The following ITK variants were observed in gnomAD, a reference collection of about 807,000 sequenced individuals.
ITK encodes the protein IL2 inducible T cell kinase.
Under a neutral mutation model 87.6 loss-of-function variants are expected in ITK, and 45 were observed. That is an observed-to-expected ratio of 0.51 (90% CI 0.40 to 0.66). ITK has a LOEUF of 0.66. Ranked by LOEUF, ITK falls within the 30% of genes least tolerant of loss-of-function variation. The pLI is 0.00. For synonymous variants in ITK, 303 were observed against 273.6 expected, an observed-to-expected ratio of 1.11 and a Z score of -1.06; for missense variants, 605 against 766.3, an observed-to-expected ratio of 0.79 and a Z score of 2.48.
At chr5:157,224,538 G>C (rs564600760) in intron 6 of ITK, among the ~76,000 whole-genome samples, 1 of 152,256 alleles carries the variant, frequency 6.6e-6, no homozygotes, top group South Asian at 2.1e-4. Flanking sequence ...CACTTTGATT[G>C]GGAGGCCAAG....
At chr5:157,186,714 T>C (rs1166070827) in intron 1 of ITK, among the ~76,000 whole-genome samples, 1 of 143,004 alleles carries the variant, frequency 7.0e-6, no homozygotes, top group Admixed American at 6.9e-5. Flanking sequence ...GAGAGAGCCT[T>C]GGCAAGCTTT....
chr5:157,196,182 A>G (rs1753852730), intron 1 of ITK, among the ~76,000 whole-genome samples: 1 of 152,172 alleles, frequency 6.6e-6, no homozygotes, highest in Non-Finnish European at 1.5e-5. Context: ...TGTAGAAAAC[A>G]TTTCTAGAAG....
At chr5:157,188,425 C>T (rs933171466) in intron 1 of ITK, among the ~76,000 whole-genome samples, 15 of 152,148 alleles carry the variant, frequency 9.9e-5, no homozygotes, top group Admixed American at 9.2e-4. Context: ...CCTTTATGTG[C>T]TTCTGTCACA....
At chr5:157,235,051 G>A (rs1365886220) in intron 8 of ITK, among the ~76,000 whole-genome samples, 1 of 152,136 alleles carries the variant, frequency 6.6e-6, no homozygotes, top group Non-Finnish European at 1.5e-5. Flanking sequence ...TGTTCCTGCT[G>A]TACTTAGGCA....
rs1724926709 is a variant in ITK, at chr5:157,203,085, T to C, written c.139-5804T>C. Among the ~76,000 whole-genome samples the C allele has an allele frequency of 2.6e-5, 4 of 152,338 alleles. No homozygotes were observed. The South Asian group carries it at 8.3e-4, about 32-fold the overall frequency. On this transcript the variant is annotated intron_variant, in intron 1 of 16. Transcript: ENST00000422843. ...GGCTCCTGTTCGACTTTTTGGTCTC[T>C]TCTTAGATGCCCTTTCTCTCTCCAG...
intron 5 of ITK, among the ~76,000 whole-genome samples, chr5:157,219,158 G>A (rs1387128133): frequency 1.3e-5 from 2 of 149,822 alleles, no homozygotes; most frequent in African/African-American, 2.5e-5. Context: ...TGTCACCCAG[G>A]CTGGAGTGCA....
intron 1 of ITK, among the ~76,000 whole-genome samples, chr5:157,182,938 A>G (rs1415527338): frequency 1.3e-5 from 2 of 152,164 alleles, no homozygotes; most frequent in Non-Finnish European, 2.9e-5. Context: ...AGGTTGTAAA[A>G]TCACCCTACT....
chr5:157,201,736 CA>C (rs34192469), intron 1 of ITK, among the ~76,000 whole-genome samples: 14,568 of 114,428 alleles, frequency 0.13, 1,116 homozygotes, highest in East Asian at 0.49. Flanking sequence ...TAATTTTCCA[CA>C]AAAAAAAAAA....
Position 157,248,976 on chromosome 5 carries a change from T to C in ITK, c.1760T>C (p.Val587Ala), listed in dbSNP as rs748059245. 1.1e-5 allele frequency: 18 copies of C among 1,613,782 alleles called. No individual in the cohort carries two copies. The African/African-American group carries it at 1.2e-4, about 11-fold the overall frequency. ...LYKPRLASTH[V>A]YQIMNHCWKE... ...AAGCCCCGGCTGGCCTCCACACACG[T>C]CTACCAGATTATGAATCACTGCTGG... is the stretch of plus-strand genomic sequence containing the variant. The change falls in exon 16 of 17, where the codon GTC (valine) becomes GCC (alanine). Residue 587 changes from valine (V) to alanine (A), a missense_variant. This residue lies in a region of ITK where 71 missense variants were observed against 65.8 expected (regional missense o/e 1.08). Transcript: ENST00000422843.
At chr5:157,215,070 C>A (rs1016122332) in intron 4 of ITK, among the ~76,000 whole-genome samples, 1 of 152,178 alleles carries the variant, frequency 6.6e-6, no homozygotes, top group Non-Finnish European at 1.5e-5. Flanking sequence ...GAATGCATTT[C>A]ACATTTATTA....
chr5:157,204,629 G>A (rs1248251942), intron 1 of ITK, among the ~76,000 whole-genome samples: 3 of 151,610 alleles, frequency 2.0e-5, no homozygotes, highest in African/African-American at 7.3e-5. Flanking sequence ...AACCCAGGAG[G>A]TGGAGGTTGC....
intron 7 of ITK, among the ~76,000 whole-genome samples, chr5:157,230,277 A>G (rs1754623807): frequency 1.3e-5 from 2 of 152,322 alleles, no homozygotes; most frequent in Middle Eastern, 3.4e-3. Flanking sequence ...CATCTGGGTT[A>G]TGTGTATATG....
chr5:157,181,065 T>C lies in ITK; in HGVS notation c.88T>C (p.Phe30Leu). 2 of 1,614,074 alleles carry C rather than the reference T, an allele frequency of 1.2e-6. No homozygotes were observed. The highest frequency in any genetic ancestry group is 1.7e-6 in the Non-Finnish European group (2 of 1,179,890). The change falls in exon 1 of 17, where the codon TTC becomes CTC. Residue 30 changes from phenylalanine (F) to leucine (L), a missense_variant. Phe to Leu is a conservative substitution (Grantham distance 22). Around this residue, in one of 3 missense-constraint regions of ITK, gnomAD observed 464 missense variants for 578.0 expected, o/e 0.80. Transcript: ENST00000422843. ...RTSPSNFKVR[F>L]FVLTKASLAY... ...TTCTCCCTCGAACTTTAAAGTCCGC[T>C]TCTTTGTGTTAACCAAAGCCAGCCT...
At chr5:157,248,794 T>C in intron 15 of ITK, 56 bp from the exon 16 acceptor site, 1 of 1,606,582 alleles carries the variant, frequency 6.2e-7, no homozygotes, top group Non-Finnish European at 8.5e-7. Context: ...CAGGTTGGTT[T>C]GTTTGCTGTC....
intron 10 of ITK, chr5:157,240,408 A>G: frequency 1.7e-6 from 1 of 600,524 alleles, no homozygotes; most frequent in Non-Finnish European, 3.0e-6. Context: ...GAACAGTTTC[A>G]TCCTGAAAGC....
chr5:157,185,742 G>A (rs1172937142), intron 1 of ITK, among the ~76,000 whole-genome samples: 3 of 151,968 alleles, frequency 2.0e-5, no homozygotes, highest in Non-Finnish European at 4.4e-5. Context: ...TACACAGGAG[G>A]GTGAGGTGGG....
chr5:157,209,825 T>G (rs1754152724), intron 2 of ITK, among the ~76,000 whole-genome samples: 1 of 152,224 alleles, frequency 6.6e-6, no homozygotes, highest in African/African-American at 2.4e-5. Context: ...ATTCAGCTTC[T>G]TAGTCACATT....
chr5:157,243,760 G>C lies in ITK; in HGVS notation c.1198G>C (p.Glu400Gln), dbSNP rs567914627. 1 of 1,614,132 alleles carries C rather than the reference G, an allele frequency of 6.2e-7. No homozygotes were observed. Among genetic ancestry groups the C allele is most frequent in the South Asian group, 1.1e-5 (1 of 91,080 alleles). The change falls in exon 12 of 17, where the codon GAA (glutamate) becomes CAA (glutamine). Residue 400 changes from glutamate (E) to glutamine (Q), a missense_variant. Coordinates refer to ENST00000422843, the MANE Select transcript of ITK (RefSeq NM_005546.4). ...AACCATTCGGGAAGGGGCTATGTCAGAAGAGGACTTCATAGAGGAGGCTGA... is the reference window on the plus strand; with the variant it reads ...AACCATTCGGGAAGGGGCTATGTCACAAGAGGACTTCATAGAGGAGGCTGA... ...IKTIREGAMS[E>Q]EDFIEEAEVM...
chr5:157,202,852 C>G (rs556002064), intron 1 of ITK, among the ~76,000 whole-genome samples: 31 of 152,232 alleles, frequency 2.0e-4, no homozygotes, highest in Non-Finnish European at 4.4e-4. Context: ...TGTTACATTT[C>G]TATTGGACAC....
Sources: allele counts gnomAD v4.1 joint callset (sites outside exome capture counted in the v4.1 genomes callset), GRCh38; gene constraint gnomAD v4.1.1; regional missense constraint gnomAD v4.1.1; transcripts MANE v1.5; gene names NCBI Gene and HGNC (gene_info 2026-07-23, HGNC 2026-07-21).